The following SORCS1 variants were observed in gnomAD, a reference collection of about 807,000 sequenced individuals.
The protein encoded by SORCS1 is sortilin related VPS10 domain containing receptor 1.
SORCS1 carries 60 observed loss-of-function variants against 146.1 expected under a neutral mutation model. That is an observed-to-expected ratio of 0.41 (90% CI 0.33 to 0.51). The LOEUF (loss-of-function observed/expected upper bound fraction) is 0.51, where lower values mean the gene tolerates loss of function less well. Ranked by LOEUF, SORCS1 falls within the 20% of genes least tolerant of loss-of-function variation. The pLI is 0.21. For synonymous variants in SORCS1, 637 were observed against 584.0 expected, an observed-to-expected ratio of 1.09 and a Z score of -1.31; for missense variants, 1,352 against 1,487.6, an observed-to-expected ratio of 0.91 and a Z score of 1.50.
intron 1 of SORCS1, among the ~76,000 whole-genome samples, chr10:107,086,738 A>G (rs1454937652): frequency 6.6e-6 from 1 of 152,240 alleles, no homozygotes; most frequent in Admixed American, 6.5e-5. Flanking sequence ...CCTAGAAAAT[A>G]TTACCAGACA....
intron 1 of SORCS1, among the ~76,000 whole-genome samples, chr10:107,027,034 A>AT (rs1564942992): frequency 2.0e-3 from 104 of 53,168 alleles, no homozygotes; most frequent in African/African-American, 9.4e-3. Context: ...ATATATATAT[A>AT]AAAATATATA....
intron 19 of SORCS1, among the ~76,000 whole-genome samples, chr10:106,628,351 T>C (rs974933435): frequency 1.1e-4 from 16 of 152,210 alleles, no homozygotes; most frequent in Admixed American, 4.6e-4. Context: ...AGGAGAGGCA[T>C]GGAGTAATAA....
chr10:106,664,910 C>T (rs1851014067), intron 17 of SORCS1, among the ~76,000 whole-genome samples: 1 of 152,122 alleles, frequency 6.6e-6, no homozygotes, highest in Non-Finnish European at 1.5e-5. Flanking sequence ...AGTAATAAAA[C>T]TCCTGTCTTT....
intron 3 of SORCS1, among the ~76,000 whole-genome samples, chr10:106,812,709 A>G (rs1304513476): frequency 1.3e-5 from 2 of 152,178 alleles, no homozygotes; most frequent in African/African-American, 4.8e-5. Context: ...GTATGCATGT[A>G]TGTATATTAT....
At position 107,060,832 on chromosome 10, in the gene SORCS1, A is replaced by G. The variant is rs2134113536; in HGVS notation, c.558+103137T>C. ...AATGAGATTTTTAAGGAGCTTTAAAAAATCATATTTTAGTTAATTTTATTG... is the reference window on the plus strand; with the variant it reads ...AATGAGATTTTTAAGGAGCTTTAAAGAATCATATTTTAGTTAATTTTATTG... On this transcript the variant is annotated intron_variant, in intron 1 of 25. Transcript: ENST00000263054. This position sits in a 1 kb window ranked among gnomAD's most constrained non-coding sequence, Gnocchi z 4.1. Among the ~76,000 whole-genome samples the G allele has an allele frequency of 6.6e-6, 1 of 152,278 alleles. No homozygotes were observed. The highest frequency in any genetic ancestry group is 1.9e-4 in the East Asian group (1 of 5,182).
chr10:106,827,078 C>G (rs769599764), intron 3 of SORCS1, among the ~76,000 whole-genome samples: 10 of 152,166 alleles, frequency 6.6e-5, no homozygotes. Context: ...CCAGTCTTAG[C>G]AGCTATATCT....
At chr10:106,840,863 A>ATATAT (rs1332839160) in intron 2 of SORCS1, among the ~76,000 whole-genome samples, 1 of 124,166 alleles carries the variant, frequency 8.1e-6, no homozygotes, top group African/African-American at 2.8e-5. Flanking sequence ...ATATATATAT[A>ATATAT]TTTTTTTTTT....
intron 24 of SORCS1, among the ~76,000 whole-genome samples, chr10:106,594,000 T>A (rs1192958324): frequency 6.6e-6 from 1 of 152,234 alleles, no homozygotes; most frequent in East Asian, 1.9e-4. Flanking sequence ...TGCATTATTT[T>A]TTGTCATCTG....
At chr10:106,752,570 T>C (rs531543354) in intron 5 of SORCS1, among the ~76,000 whole-genome samples, 1 of 152,306 alleles carries the variant, frequency 6.6e-6, no homozygotes, top group African/African-American at 2.4e-5. Context: ...TCAGAAAAAG[T>C]ACATTCAACC....
chr10:106,705,458 G>A (rs1245607554), intron 8 of SORCS1, among the ~76,000 whole-genome samples: 1 of 152,090 alleles, frequency 6.6e-6, no homozygotes, highest in Non-Finnish European at 1.5e-5. Flanking sequence ...GACTTCCTGG[G>A]CAGCTATCTG....
chr10:107,023,286 T>G (rs1958233797), intron 1 of SORCS1, among the ~76,000 whole-genome samples: 1 of 152,210 alleles, frequency 6.6e-6, no homozygotes, highest in Admixed American at 6.5e-5. Context: ...CAGGAAACAC[T>G]GACATTCCTG....
chr10:107,002,866 T>C (rs1957275668), intron 1 of SORCS1, among the ~76,000 whole-genome samples: 1 of 152,200 alleles, frequency 6.6e-6, no homozygotes, highest in African/African-American at 2.4e-5. Flanking sequence ...CATGCATCAT[T>C]CAAGGTGGGA....
At chr10:107,172,411 G>T in the SORCS1 span, among the ~76,000 whole-genome samples, 1 of 152,288 alleles carries the variant, frequency 6.6e-6, no homozygotes, top group Admixed American at 6.5e-5. Flanking sequence ...TCATTATGGA[G>T]ATCATCTTGT....
At chr10:107,011,733 T>G (rs1350730227) in intron 1 of SORCS1, among the ~76,000 whole-genome samples, 1 of 152,190 alleles carries the variant, frequency 6.6e-6, no homozygotes, top group African/African-American at 2.4e-5. Flanking sequence ...CTACTTATTT[T>G]TAACCTCCCC....
chr10:106,992,208 G>A (rs886221914), intron 1 of SORCS1, among the ~76,000 whole-genome samples: 1 of 152,084 alleles, frequency 6.6e-6, no homozygotes, highest in Non-Finnish European at 1.5e-5. Flanking sequence ...GCACAGGCAT[G>A]GTGGACAAAG....
rs186687581 is a variant in SORCS1, at chr10:106,877,715, C to G, written c.627-48042G>C. Among the ~76,000 whole-genome samples, 10 of 152,256 alleles carry G rather than the reference C, an allele frequency of 6.6e-5. No homozygotes were observed. The East Asian group carries it at 1.9e-3, about 29-fold the overall frequency. On this transcript the variant is annotated intron_variant, in intron 2 of 25. Coordinates refer to ENST00000263054, the MANE Select transcript of SORCS1 (RefSeq NM_052918.5). ...TCCAGTCCCTCGGGGAAGCCACACT[C>G]AGTGTACAGCTTCAGTGAGGAATTA...
In SORCS1 at chr10:106,671,769, G is replaced by A. The variant is rs557229616; in HGVS notation, c.2059-402C>T. Among the ~76,000 whole-genome samples, 18 of 152,232 alleles carry A rather than the reference G, an allele frequency of 1.2e-4. 2 individuals are homozygous for A. In the South Asian group the frequency reaches 3.7e-3, roughly 32 times the overall value. On this transcript the variant is annotated intron_variant, in intron 15 of 25. Coordinates refer to ENST00000263054, the MANE Select transcript of SORCS1 (RefSeq NM_052918.5). ...TCATTTATGAGGGCATGAAAGAGGA[G>A]CATTGCTAAGAAATATAAAGATCAA...
chr10:106,991,805 G>A (rs530536522), intron 1 of SORCS1, among the ~76,000 whole-genome samples: 10 of 152,238 alleles, frequency 6.6e-5, no homozygotes, highest in East Asian at 5.8e-4. Flanking sequence ...ACAAGAAGAG[G>A]GAGGATGAAG....
intron 1 of SORCS1, among the ~76,000 whole-genome samples, chr10:107,082,486 T>G (rs75937260): frequency 1.9e-4 from 29 of 152,158 alleles, no homozygotes; most frequent in East Asian, 1.7e-3. Flanking sequence ...TTTTCTTTTT[T>G]GTTTTTTTAG....
Sources: allele counts gnomAD v4.1 joint callset (sites outside exome capture counted in the v4.1 genomes callset), GRCh38; gene constraint gnomAD v4.1.1; non-coding constraint Gnocchi (gnomAD v3.1); transcripts MANE v1.5; gene names NCBI Gene and HGNC (gene_info 2026-07-23, HGNC 2026-07-21).